MOCOS: variants seen among roughly 807,000 people sequenced by gnomAD.
MOCOS encodes the protein human molybdenum cofactor sulfurase.
Under a neutral mutation model 83.6 loss-of-function variants are expected in MOCOS, and 86 were observed. That is an observed-to-expected ratio of 1.03 (90% CI 0.86 to 1.23). MOCOS has a LOEUF of 1.23. MOCOS is among the 50% of genes most tolerant of loss of function. The pLI, the probability that MOCOS is intolerant of heterozygous loss-of-function variation, is 0.00. For synonymous variants in MOCOS, 445 were observed against 434.7 expected, an observed-to-expected ratio of 1.02 and a Z score of -0.29; for missense variants, 1,120 against 1,126.9, an observed-to-expected ratio of 0.99 and a Z score of 0.09.
chr18:36,266,824 C>A lies in MOCOS; in HGVS notation c.2485C>A (p.Gln829Lys). 2.5e-6 allele frequency: 4 copies of A among 1,613,990 alleles called. No individual in the cohort carries two copies. The highest frequency in any genetic ancestry group is 3.4e-6 in the Non-Finnish European group (4 of 1,179,992). The change falls in exon 14 of 15, where the codon CAA becomes AAA. Residue 829 changes from glutamine to lysine, a missense_variant. Coordinates refer to ENST00000261326, the MANE Select transcript of MOCOS (RefSeq NM_017947.4). Reference sequence around the variant, plus strand: ...TGGGCAACGAAACCAGCATGTTTTCCAAAAACTTTCTGAGAGTCGTGAAAC... The same window carrying A: ...TGGGCAACGAAACCAGCATGTTTTCAAAAAACTTTCTGAGAGTCGTGAAAC... Reference protein sequence around the residue: ...QTGQRNQHVFQKLSESRETKV... With the variant: ...QTGQRNQHVFKKLSESRETKV...
chr18:36,269,035 A>C lies in MOCOS; in HGVS notation c.*350A>C, dbSNP rs1018763716. The C allele has an allele frequency of 1.0e-5, 3 of 298,928 alleles. No individual in the cohort carries two copies. The highest frequency in any genetic ancestry group is 6.6e-5 in the African/African-American group (3 of 45,382). 18.5% of individuals were successfully genotyped at this position (298,928 alleles called of 1,614,324 possible). Reference sequence around the variant, plus strand: ...GGTCCCTATTTTGCCATTTTCTCACATTGTTACTTTGTTTTTAGAGAGCAT... The same window carrying C: ...GGTCCCTATTTTGCCATTTTCTCACCTTGTTACTTTGTTTTTAGAGAGCAT... On this transcript the variant is annotated 3_prime_UTR_variant, in exon 15 of 15. Transcript: ENST00000261326.
chr18:36,263,509 G>GA, intron 13 of MOCOS, among the ~76,000 whole-genome samples: 1 of 152,278 alleles, frequency 6.6e-6, no homozygotes, highest in East Asian at 1.9e-4. Context: ...CAGAGTAATT[G>GA]AAAAAGAAAC....
intron 1 of MOCOS, chr18:36,190,417 C>T (rs73430915): frequency 0.081 from 12,383 of 152,040 alleles, 530 homozygotes; most frequent in Non-Finnish European, 0.095. Context: ...CCTTGCAGTT[C>T]TCGTGAGGGT....
chr18:36,228,852 AAAG>A (rs1361785204), intron 9 of MOCOS, among the ~76,000 whole-genome samples: 31 of 151,922 alleles, frequency 2.0e-4, no homozygotes, highest in African/African-American at 6.0e-4. Context: ...AAAAAAAAAA[AAAG>A]ATGAGATCTC....
chr18:36,221,066 C>T (rs1568056956), intron 9 of MOCOS, among the ~76,000 whole-genome samples: 1 of 152,058 alleles, frequency 6.6e-6, no homozygotes, highest in Non-Finnish European at 1.5e-5. Context: ...TTATGAGTGA[C>T]ATGAATGATC....
At chr18:36,189,237 A>G (rs1568046030) in intron 1 of MOCOS, among the ~76,000 whole-genome samples, 1 of 152,002 alleles carries the variant, frequency 6.6e-6, no homozygotes, top group Non-Finnish European at 1.5e-5. Context: ...CAAATGCAAA[A>G]TTGGGATGTG....
intron 12 of MOCOS, among the ~76,000 whole-genome samples, chr18:36,257,579 T>C (rs979571605): frequency 6.6e-6 from 1 of 152,170 alleles, no homozygotes; most frequent in African/African-American, 2.4e-5. Context: ...TCCCACCCAG[T>C]GCTCTCCCAA....
At chr18:36,229,748 G>C (rs2091530926) in intron 9 of MOCOS, among the ~76,000 whole-genome samples, 2 of 151,448 alleles carry the variant, frequency 1.3e-5, no homozygotes, top group South Asian at 4.2e-4. Flanking sequence ...CTGTCTTCAA[G>C]TTTGCTTATC....
intron 13 of MOCOS, 125 bp downstream of exon 13, chr18:36,260,300 T>C: frequency 1.6e-6 from 2 of 1,256,916 alleles, no homozygotes; most frequent in South Asian, 2.5e-5. Flanking sequence ...TACAAAATCT[T>C]GGTGGGAGGT....
rs114443459 is a variant in MOCOS, at chr18:36,228,991, T to C, written c.1960+8774T>C. On this transcript the variant is annotated intron_variant, in intron 9 of 14. Coordinates refer to ENST00000261326, the MANE Select transcript of MOCOS (RefSeq NM_017947.4). ...CATATATTTTAACCTATTTTTGTAG[T>C]TATTCTTTAATACTTTTGTCTTTTG... Among the ~76,000 whole-genome samples, 831 of 152,328 alleles carry C rather than the reference T, an allele frequency of 5.5e-3. 5 individuals are homozygous for C. Among genetic ancestry groups the C allele is most frequent in the African/African-American group, 0.019 (786 of 41,578 alleles).
At chr18:36,195,216 T>C in intron 1 of MOCOS, 41 bp from the exon 2 acceptor site, 1 of 1,569,248 alleles carries the variant, frequency 6.4e-7, no homozygotes, top group East Asian at 2.2e-5. Context: ...ACAAACCAGA[T>C]TCAGGTAAAA....
At chr18:36,258,913 C>T (rs1289362962) in intron 12 of MOCOS, among the ~76,000 whole-genome samples, 2 of 152,132 alleles carry the variant, frequency 1.3e-5, no homozygotes, top group African/African-American at 2.4e-5. Flanking sequence ...CAGAAACCTC[C>T]CTTGTATCCC....
In MOCOS at chr18:36,266,686, C is replaced by T. The variant is rs2091682995; in HGVS notation, c.2410-63C>T. ...CTGGGCATTTCTGTGTGATTCCTCC[C>T]TCTGAGGTGCAAGGCTCTGGTCACT... On this transcript the variant is annotated intron_variant, in intron 13 of 14. Transcript: ENST00000261326. 4 of 1,407,212 alleles carry T rather than the reference C, an allele frequency of 2.8e-6. No homozygotes were observed. In the South Asian group the frequency reaches 3.5e-5, roughly 12 times the overall value. The allele number at this position is 1,407,212 out of a possible 1,614,324, so 87.2% of individuals were successfully genotyped here.
At chr18:36,234,627 G>A (rs370492505) in intron 9 of MOCOS, among the ~76,000 whole-genome samples, 1 of 152,120 alleles carries the variant, frequency 6.6e-6, no homozygotes, top group South Asian at 2.1e-4. Flanking sequence ...TTAACAGCAT[G>A]GTCATTTTCA....
intron 2 of MOCOS, among the ~76,000 whole-genome samples, chr18:36,197,795 T>C (rs1289128986): frequency 6.6e-6 from 1 of 151,908 alleles, no homozygotes; most frequent in Non-Finnish European, 1.5e-5. Flanking sequence ...CTATTTCAGG[T>C]GTCCAATGAT....
At chr18:36,220,635 C>T (rs528049705) in intron 9 of MOCOS, among the ~76,000 whole-genome samples, 12 of 152,216 alleles carry the variant, frequency 7.9e-5, no homozygotes, top group South Asian at 4.1e-4. Context: ...TTCAATCAGA[C>T]GGTAAAGAGG....
At chr18:36,195,438 T>C in intron 2 of MOCOS, 92 bp downstream of exon 2, 1 of 1,205,568 alleles carries the variant, frequency 8.3e-7, no homozygotes, top group Non-Finnish European at 1.2e-6. Context: ...GCCAGGAATA[T>C]TCTGACCACA....
intron 11 of MOCOS, among the ~76,000 whole-genome samples, chr18:36,251,893 A>G (rs1263375816): frequency 1.3e-5 from 2 of 151,950 alleles, no homozygotes; most frequent in Admixed American, 1.3e-4. Flanking sequence ...CTGGCTGACT[A>G]CCCTCTTCAG....
chr18:36,221,907 T>C (rs1317582254), intron 9 of MOCOS, among the ~76,000 whole-genome samples: 1 of 152,094 alleles, frequency 6.6e-6, no homozygotes, highest in African/African-American at 2.4e-5. Context: ...GTATTTTTAG[T>C]AGAGACAGGG....
Sources: allele counts gnomAD v4.1 joint callset (sites outside exome capture counted in the v4.1 genomes callset), GRCh38; gene constraint gnomAD v4.1.1; transcripts MANE v1.5; gene names NCBI Gene and HGNC (gene_info 2026-07-23, HGNC 2026-07-21).